TSNARE1: variants seen among roughly 807,000 people sequenced by gnomAD.
The protein encoded by TSNARE1 is t-SNARE domain-containing protein 1.
TSNARE1 carries 49 observed loss-of-function variants against 62.0 expected under a neutral mutation model. The observed-to-expected ratio is 0.79, with a 90% CI of 0.63 to 1.00. TSNARE1 has a LOEUF of 1.00. TSNARE1 is among the 50% of genes least tolerant of loss of function. TSNARE1 has a pLI of 0.00. For missense variants in TSNARE1, 755 were observed against 700.1 expected (o/e 1.08, Z -0.88); for synonymous variants, 328 against 294.4 (o/e 1.11, Z -1.17).
chr8:142,277,190 C>T, intron 11 of TSNARE1: 1 of 985,364 alleles, frequency 1.0e-6, no homozygotes, highest in Non-Finnish European at 1.2e-6. Context: ...CCTCCCAACA[C>T]AGGGGGTGCT....
At chr8:142,297,910 G>A (rs1265209491) in intron 10 of TSNARE1, among the ~76,000 whole-genome samples, 4 of 152,088 alleles carry the variant, frequency 2.6e-5, no homozygotes, top group Non-Finnish European at 5.9e-5. Flanking sequence ...GCCGCCCTCC[G>A]TCCCGCGCCT....
At position 142,300,543 on chromosome 8, in the gene TSNARE1, G is replaced by C; in HGVS notation, c.1233C>G (p.Ile411Met). 6.2e-7 allele frequency: 1 copy of C among 1,612,112 alleles called. No homozygotes were observed. Among genetic ancestry groups the C allele is most frequent in the Non-Finnish European group, 8.5e-7 (1 of 1,179,960 alleles). ...QGQEQALLPDITEEDLEAIRL... is the reference protein window; with the variant it reads ...QGQEQALLPDMTEEDLEAIRL... ...GGATGGCCTCCAGGTCCTCTTCAGT[G>C]ATGTCCGGGAGCAGCGCCTGCTCCT... Residue 411 changes from isoleucine to methionine, a missense_variant, in exon 10 of 14, where the codon ATC (isoleucine) becomes ATG (methionine). Transcript: ENST00000524325.
At chr8:142,279,497 C>T (rs542859295) in intron 11 of TSNARE1, among the ~76,000 whole-genome samples, 39 of 152,350 alleles carry the variant, frequency 2.6e-4, no homozygotes, top group Admixed American at 5.9e-4. Flanking sequence ...GCGCTCACCT[C>T]TCTACAGTGA....
intron 11 of TSNARE1, among the ~76,000 whole-genome samples, chr8:142,282,541 T>C (rs138657698): frequency 0.056 from 7,967 of 142,796 alleles, 197 homozygotes; most frequent in East Asian, 0.24. Context: ...TGTCTGCCAA[T>C]GAGCAGAGGC....
chr8:142,405,222 T>C (rs185547763), upstream of TSNARE1: 1,060 of 152,280 alleles, frequency 7.0e-3, 8 homozygotes, highest in Admixed American at 9.4e-3. Context: ...AAATAGCCAA[T>C]AGCTGCCTGG....
chr8:142,358,496 A>G (rs890083479), intron 1 of TSNARE1, among the ~76,000 whole-genome samples: 7 of 151,720 alleles, frequency 4.6e-5, no homozygotes, highest in African/African-American at 1.5e-4. Context: ...GGCCAGGCAC[A>G]TGGAGGGGAG....
intron 1 of TSNARE1, among the ~76,000 whole-genome samples, chr8:142,392,970 A>G (rs1224999123): frequency 6.6e-6 from 1 of 151,866 alleles, no homozygotes; most frequent in African/African-American, 2.4e-5. Flanking sequence ...AAAGAAAGAA[A>G]GAAACTCACA....
At chr8:142,363,748 C>T (rs1166180258) in intron 1 of TSNARE1, among the ~76,000 whole-genome samples, 2 of 152,150 alleles carry the variant, frequency 1.3e-5, no homozygotes, top group Non-Finnish European at 2.9e-5. Context: ...ACCAAAACGG[C>T]TCCCACCCAT....
chr8:142,308,290 C>G (rs1001981526), intron 9 of TSNARE1, among the ~76,000 whole-genome samples: 2 of 152,180 alleles, frequency 1.3e-5, no homozygotes, highest in African/African-American at 2.4e-5. Context: ...ACCGTGAAGG[C>G]GTCGGGGAGC....
intron 10 of TSNARE1, among the ~76,000 whole-genome samples, chr8:142,292,537 C>T (rs1270916986): frequency 2.0e-5 from 3 of 152,144 alleles, no homozygotes; most frequent in Admixed American, 6.5e-5. Flanking sequence ...GTGGTGCAAG[C>T]AGCTCACCCA....
rs546282607 is a variant in TSNARE1, at chr8:142,376,040, G to A, written c.-39-21277C>T. 7.2e-5 allele frequency among the ~76,000 whole-genome samples: 11 copies of A among 152,314 alleles called. 1 individual carries two copies. In the South Asian group the frequency reaches 8.3e-4, roughly 11 times the overall value. On this transcript the variant is annotated intron_variant, in intron 1 of 13. Transcript: ENST00000524325. ...GTCGGACCAGCCGCTATAAACATAC[G>A]GAAAACATGGTCCCAGCAGAGTCGG...
intron 1 of TSNARE1, among the ~76,000 whole-genome samples, chr8:142,387,880 G>A (rs1837214530): frequency 6.6e-6 from 1 of 152,110 alleles, no homozygotes; most frequent in Admixed American, 6.5e-5. Flanking sequence ...AATGGCATAA[G>A]AAATATAACT....
intron 13 of TSNARE1, among the ~76,000 whole-genome samples, chr8:142,217,781 G>A (rs1197579798): frequency 6.7e-6 from 1 of 149,598 alleles, no homozygotes; most frequent in Non-Finnish European, 1.5e-5. Context: ...TTTGTGACCA[G>A]GATCAGCGTT....
At chr8:142,346,592 C>T (rs1176629171) in intron 2 of TSNARE1, among the ~76,000 whole-genome samples, 1 of 152,260 alleles carries the variant, frequency 6.6e-6, no homozygotes, top group East Asian at 1.9e-4. Context: ...ACAGACACGC[C>T]GTGTGCGCCA....
intron 9 of TSNARE1, among the ~76,000 whole-genome samples, chr8:142,306,052 C>T (rs1198814888): frequency 2.0e-5 from 3 of 152,208 alleles, no homozygotes; most frequent in African/African-American, 4.8e-5. Context: ...GGGCAAGAGG[C>T]GCTCACACAG....
chr8:142,314,494 A>T, intron 8 of TSNARE1, 54 bp from the exon 9 acceptor site: 1 of 1,534,136 alleles, frequency 6.5e-7, no homozygotes, highest in Non-Finnish European at 9.0e-7. Flanking sequence ...AGGGTGGGGA[A>T]GGGAGAAGAA....
intron 4 of TSNARE1, among the ~76,000 whole-genome samples, chr8:142,338,544 C>CCACTGGGCAAGCTGACAGGCTGCCTCGAT (rs2129920486): frequency 6.6e-6 from 1 of 151,904 alleles, no homozygotes; most frequent in East Asian, 1.9e-4. Flanking sequence ...GCTGCCTGGA[C>CCACTGGGCAAGCTGACAGGCTGCCTCGAT]CACTGGGCAA....
chr8:142,292,333 G>C (rs545477092), intron 10 of TSNARE1, among the ~76,000 whole-genome samples: 15 of 152,346 alleles, frequency 9.8e-5, no homozygotes, highest in African/African-American at 3.4e-4. Context: ...GGCCGGAGAG[G>C]AATGGAGGAG....
chr8:142,245,975 C>T (rs1817868676), intron 12 of TSNARE1, among the ~76,000 whole-genome samples: 1 of 152,210 alleles, frequency 6.6e-6, no homozygotes, highest in Non-Finnish European at 1.5e-5. Flanking sequence ...TACAGGTAAC[C>T]TTCTCCACAA....
Sources: gnomAD v4.1 joint callset for allele counts (sites outside exome capture counted in the v4.1 genomes callset) on GRCh38, gnomAD v4.1.1 for gene constraint, MANE v1.5 for transcripts, NCBI Gene and HGNC (gene_info 2026-07-23, HGNC 2026-07-21) for gene names.